Variants in DHRS12 observed in about 807,000 individuals in gnomAD.
DHRS12 encodes the protein dehydrogenase/reductase SDR family member 12.
Under a neutral mutation model 32.1 loss-of-function variants are expected in DHRS12, and 29 were observed. The observed-to-expected ratio is 0.90, with a 90% confidence interval of 0.67 to 1.23. The LOEUF is 1.23. Among genes scored for constraint, DHRS12 ranks in the 50% most tolerant of loss-of-function variants. The pLI is 0.00. For synonymous variants in DHRS12, 150 were observed against 135.9 expected, an observed-to-expected ratio of 1.10 and a Z score of -0.72; for missense variants, 330 against 337.2, an observed-to-expected ratio of 0.98 and a Z score of 0.17.
chr13:51,769,781 T>C (rs1044643822), intron 7 of DHRS12, among the ~76,000 whole-genome samples: 1 of 152,208 alleles, frequency 6.6e-6, no homozygotes, highest in African/African-American at 2.4e-5. Flanking sequence ...AGGAAAGAAT[T>C]CTTCACTTCC....
intron 2 of DHRS12, among the ~76,000 whole-genome samples, chr13:51,793,062 C>A (rs1306225998): frequency 6.6e-6 from 1 of 152,048 alleles, no homozygotes; most frequent in Non-Finnish European, 1.5e-5. Flanking sequence ...TCATGGTTAT[C>A]ACTGGACACA....
chr13:51,760,666 C>T, the DHRS12 span: 2 of 152,228 alleles, frequency 1.3e-5, no homozygotes, highest in African/African-American at 2.4e-5. Context: ...ATCAGCGGCC[C>T]TCAACCTTGT....
rs1364674139 is a variant in DHRS12, at chr13:51,799,533, C to A, written c.126+1G>T. 1 of 1,613,112 alleles carries A rather than the reference C, an allele frequency of 6.2e-7. No homozygotes were observed. Among genetic ancestry groups the A allele is most frequent in the African/African-American group, 1.3e-5 (1 of 74,884 alleles). ...GGACACACGTGTTAGCAGCTGCTTACCTCGCTTGGCGATTTCAAGGGCAGT... is the reference window on the plus strand; with the variant it reads ...GGACACACGTGTTAGCAGCTGCTTAACTCGCTTGGCGATTTCAAGGGCAGT... On this transcript the variant is annotated splice_donor_variant, in intron 2 of 8. Transcript: ENST00000444610. LOFTEE classifies it high-confidence loss of function.
At chr13:51,788,580 C>G (rs969501699) in intron 4 of DHRS12, among the ~76,000 whole-genome samples, 1 of 152,060 alleles carries the variant, frequency 6.6e-6, no homozygotes, top group Non-Finnish European at 1.5e-5. Context: ...CGCAGTGACT[C>G]ACACCTGTAA....
chr13:51,767,528 A>G (rs1299944766), downstream of DHRS12: 1 of 152,292 alleles, frequency 6.6e-6, no homozygotes, highest in Non-Finnish European at 1.5e-5. Context: ...ATGTATGTAG[A>G]TGTATTCTAA....
chr13:51,789,851 T>C, intron 4 of DHRS12, 160 bp downstream of exon 4: 1 of 985,114 alleles, frequency 1.0e-6, no homozygotes, highest in Non-Finnish European at 1.2e-6. Context: ...GAGAAAGTGT[T>C]TTATGAAGAA....
chr13:51,803,362 C>T (rs987684701), intron 1 of DHRS12, among the ~76,000 whole-genome samples: 4 of 152,194 alleles, frequency 2.6e-5, no homozygotes, highest in Non-Finnish European at 4.4e-5. Flanking sequence ...TTTTAATTCT[C>T]GCCCAGTGAT....
At chr13:51,801,974 G>A (rs751855275) in intron 1 of DHRS12, among the ~76,000 whole-genome samples, 5 of 152,158 alleles carry the variant, frequency 3.3e-5, no homozygotes, top group African/African-American at 4.8e-5. Context: ...GCTGCCAAGC[G>A]GGCAGTACCA....
intron 7 of DHRS12, 115 bp downstream of exon 7, chr13:51,771,706 C>G: frequency 2.2e-6 from 3 of 1,378,812 alleles, no homozygotes; most frequent in South Asian, 2.6e-5. Flanking sequence ...TGAAGCTACT[C>G]CTCAGTCCTC....
downstream of DHRS12, chr13:51,764,564 G>A (rs747157970): frequency 2.0e-5 from 3 of 152,510 alleles, no homozygotes; most frequent in Non-Finnish European, 4.4e-5. Flanking sequence ...AATTGAGCTC[G>A]TCACTATCAG....
intron 1 of DHRS12, among the ~76,000 whole-genome samples, chr13:51,800,910 GCA>G: frequency 6.6e-6 from 1 of 152,328 alleles, no homozygotes; most frequent in Admixed American, 6.5e-5. Flanking sequence ...GCTGTGAGTG[GCA>G]AGCAAGACTT....
At chr13:51,756,019 G>A in the DHRS12 span, among the ~76,000 whole-genome samples, 5 of 151,242 alleles carry the variant, frequency 3.3e-5, no homozygotes, top group Admixed American at 1.3e-4. Flanking sequence ...CAGACACCCC[G>A]CTTTAAGATC....
the DHRS12 span, chr13:51,756,398 C>G: frequency 2.5e-6 from 4 of 1,614,056 alleles, no homozygotes; most frequent in South Asian, 1.1e-5. Context: ...CTCCATCCCC[C>G]TGATGGGCTT....
At position 51,791,258 on chromosome 13, in the gene DHRS12, C is replaced by T. The variant is rs7997873; in HGVS notation, c.127-1G>A. The T allele has an allele frequency of 2.3e-6, 3 of 1,307,198 alleles. No individual in the cohort carries two copies. The highest frequency in any genetic ancestry group is 2.7e-5 in the East Asian group (1 of 37,082). 81.0% of individuals were successfully genotyped at this position (1,307,198 alleles called of 1,614,324 possible). A position where few individuals can be genotyped will look rare whatever the true frequency, so the allele number is the denominator to read the frequency against. ...AGTCCACAATGTGCAGAAAAATGTT[C>T]TAAATTAGAAAGCAAAAAAAAAAAA... is the stretch of plus-strand genomic sequence containing the variant. On this transcript the variant is annotated splice_acceptor_variant, in intron 2 of 8. Transcript: ENST00000444610. LOFTEE classifies it high-confidence loss of function.
At chr13:51,756,386 T>C in the DHRS12 span, 1 of 1,614,118 alleles carries the variant, frequency 6.2e-7, no homozygotes, top group East Asian at 2.2e-5. Flanking sequence ...CTCCAAGCGC[T>C]CCTCCATCCC....
At position 51,771,805 on chromosome 13, in the gene DHRS12, A is replaced by T. The variant is rs1566275333; in HGVS notation, c.559+16T>A. ...ATGAAACGTAAGTGGCTCAGCAATT[A>T]AAGGCTATGACATACCTGGGGTGTC... On this transcript the variant is annotated intron_variant, in intron 7 of 8. Transcript: ENST00000444610. 2 of 1,613,460 alleles carry T rather than the reference A, an allele frequency of 1.2e-6. No individual in the cohort carries two copies. The highest frequency in any genetic ancestry group is 1.7e-6 in the Non-Finnish European group (2 of 1,179,608).
chr13:51,774,223 GTACATGTATTCTCCTACAGTATTCTCC>G lies in DHRS12; in HGVS notation c.364-216_364-190del, dbSNP rs1566278673. On this transcript the variant is annotated intron_variant, in intron 5 of 8. Transcript: ENST00000444610. Reference sequence around the variant, plus strand: ...ATTCTCCTACATGTATTCTCCTACAGTACATGTATTCTCCTACAGTATTCTCCTACATGTATTCTCCTACAGTATTCT... The same window carrying G: ...ATTCTCCTACATGTATTCTCCTACAGTACATGTATTCTCCTACAGTATTCT... 7.4e-4 allele frequency: 410 copies of G among 553,678 alleles called. 2 individuals are homozygous for G. The highest frequency in any genetic ancestry group is 1.3e-3 in the Admixed American group (41 of 31,016). The allele number at this position is 553,678 out of a possible 1,614,324, so 34.3% of individuals were successfully genotyped here. A position where few individuals can be genotyped will look rare whatever the true frequency, so the allele number is the denominator to read the frequency against.
chr13:51,769,121 G>A, intron 8 of DHRS12, 35 bp downstream of exon 8: 1 of 1,548,580 alleles, frequency 6.5e-7, no homozygotes, highest in Admixed American at 2.0e-5. Flanking sequence ...CCCTAGCCCT[G>A]TGTCAGCTGC....
At chr13:51,758,345 A>G in the DHRS12 span, 2 of 1,416,282 alleles carry the variant, frequency 1.4e-6, no homozygotes, top group Non-Finnish European at 9.8e-7. Context: ...TTGGCCTCAT[A>G]TAAATATACA....
Sources: gnomAD v4.1 joint callset for allele counts (sites outside exome capture counted in the v4.1 genomes callset) on GRCh38, gnomAD v4.1.1 for gene constraint, MANE v1.5 for transcripts, NCBI Gene and HGNC (gene_info 2026-07-23, HGNC 2026-07-21) for gene names.